The following CSNK1G1 variants were observed in gnomAD, a reference collection of about 807,000 sequenced individuals.
The protein encoded by CSNK1G1 is casein kinase 1 gamma 1.
In CSNK1G1, 22 loss-of-function variants were observed where a neutral mutation model predicts 59.6. The ratio of observed to expected loss-of-function variants is 0.37; its 90% CI spans 0.26 to 0.53. The LOEUF (loss-of-function observed/expected upper bound fraction) is 0.53, where lower values mean the gene tolerates loss of function less well. CSNK1G1 is among the 20% of genes least tolerant of loss of function. CSNK1G1 has a pLI of 0.89. For synonymous variants in CSNK1G1, 179 were observed against 177.1 expected (o/e 1.01, Z -0.08); for missense variants, 384 against 519.5 (o/e 0.74, Z 2.54).
intron 10 of CSNK1G1, among the ~76,000 whole-genome samples, chr15:64,201,711 T>C (rs2082110845): frequency 1.2e-5 from 1 of 81,686 alleles, no homozygotes; most frequent in South Asian, 3.0e-4. Flanking sequence ...TGGACATGTG[T>C]GTGTGTGTGT....
intron 2 of CSNK1G1, among the ~76,000 whole-genome samples, chr15:64,274,716 T>C (rs1225751641): frequency 6.6e-6 from 1 of 152,184 alleles, no homozygotes; most frequent in African/African-American, 2.4e-5. Context: ...CCTGTTTCTG[T>C]AAGTCACCTA....
At chr15:64,234,008 G>A (rs574491911) in intron 4 of CSNK1G1, among the ~76,000 whole-genome samples, 14 of 152,040 alleles carry the variant, frequency 9.2e-5, no homozygotes, top group Non-Finnish European at 1.8e-4. Context: ...TCTCCCTCCC[G>A]CTTCCTCTCT....
intron 1 of CSNK1G1, among the ~76,000 whole-genome samples, chr15:64,302,154 C>T (rs370766717): frequency 2.6e-5 from 4 of 152,218 alleles, no homozygotes; most frequent in Admixed American, 6.5e-5. Flanking sequence ...GGCTGGAGTG[C>T]AATGGCGAGA....
At chr15:64,259,275 A>C in intron 2 of CSNK1G1, 34 bp from the exon 3 acceptor site, 1 of 1,532,114 alleles carries the variant, frequency 6.5e-7, no homozygotes, top group Non-Finnish European at 8.9e-7. Flanking sequence ...TGTTTTAGTG[A>C]CATTTATTCT....
At chr15:64,182,662 A>T (rs1156355798) in intron 10 of CSNK1G1, among the ~76,000 whole-genome samples, 2 of 152,236 alleles carry the variant, frequency 1.3e-5, no homozygotes, top group Non-Finnish European at 2.9e-5. Flanking sequence ...GGGATAAGAT[A>T]TAATGATGTC....
intron 10 of CSNK1G1, among the ~76,000 whole-genome samples, chr15:64,185,384 TC>T (rs2081878717): frequency 6.6e-6 from 1 of 151,630 alleles, no homozygotes; most frequent in Non-Finnish European, 1.5e-5. Flanking sequence ...AAAAACAGTG[TC>T]AGCCCAAAGA....
chr15:64,234,846 A>G lies in CSNK1G1; in HGVS notation c.292+16666T>C, dbSNP rs916626886. Among the ~76,000 whole-genome samples the G allele has an allele frequency of 2.0e-5, 3 of 152,108 alleles. No individual in the cohort carries two copies. The East Asian group carries it at 5.8e-4, about 29-fold the overall frequency. On this transcript the variant is annotated intron_variant, in intron 4 of 11. Coordinates refer to ENST00000303052, the MANE Select transcript of CSNK1G1 (RefSeq NM_022048.5). ...TAAGCTACCTGGACCAGGATTGAAA[A>G]GCTGACCCAAGATGGGTCAGCCAAT... is the stretch of plus-strand genomic sequence containing the variant.
rs566212319 is a variant in CSNK1G1 at position 64,176,145 on chromosome 15, T to C, written c.1215-4160A>G. The C allele has an allele frequency of 2.3e-5, 9 of 398,098 alleles. No individual in the cohort carries two copies. The highest frequency in any genetic ancestry group is 1.8e-4 in the African/African-American group (9 of 48,750). The allele number at this position is 398,098 out of a possible 1,614,324, so 24.7% of individuals were successfully genotyped here. On this transcript the variant is annotated intron_variant, in intron 11 of 11. Coordinates refer to ENST00000303052, the MANE Select transcript of CSNK1G1 (RefSeq NM_022048.5). The surrounding 1 kb of genome is among the most constrained non-coding windows in gnomAD (Gnocchi z 5.2). ...TCTAGATCCCCAGTCAGGGTGGTTA[T>C]GGCACAAGGAGTCCTATGGAAGCTA...
chr15:64,310,553 A>T (rs1421961598), intron 1 of CSNK1G1, among the ~76,000 whole-genome samples: 3 of 558 alleles, frequency 5.4e-3, no homozygotes, highest in African/African-American at 5.6e-3. Context: ...GTGTCTCTAT[A>T]AAAAAAAAAA....
At position 64,269,067 on chromosome 15, in the gene CSNK1G1, C is replaced by CA. The variant is rs141806119; in HGVS notation, c.182-9827dup. 2.9e-4 allele frequency among the ~76,000 whole-genome samples: 43 copies of CA among 148,774 alleles called. No homozygotes were observed. The East Asian group carries it at 3.9e-3, about 14-fold the overall frequency. On this transcript the variant is annotated intron_variant, in intron 2 of 11. Coordinates refer to ENST00000303052, the MANE Select transcript of CSNK1G1 (RefSeq NM_022048.5). The stretch of plus-strand genomic sequence containing the variant: ...GTGCTGCCATCACTCACTGATTCAC[C>CA]AAAAAAAAAGGGTAATTATCTTGTT...
At chr15:64,235,851 C>A (rs906937748) in intron 4 of CSNK1G1, among the ~76,000 whole-genome samples, 1 of 151,908 alleles carries the variant, frequency 6.6e-6, no homozygotes, top group Middle Eastern at 3.2e-3. Flanking sequence ...TTACTATGTA[C>A]AAGATACTAC....
chr15:64,248,607 A>G (rs935452886), intron 4 of CSNK1G1, among the ~76,000 whole-genome samples: 1 of 152,170 alleles, frequency 6.6e-6, no homozygotes, highest in African/African-American at 2.4e-5. Context: ...AAAATAGTCA[A>G]TGCCTAATCA....
chr15:64,281,265 A>G (rs988013090), intron 2 of CSNK1G1, among the ~76,000 whole-genome samples: 1 of 152,222 alleles, frequency 6.6e-6, no homozygotes, highest in African/African-American at 2.4e-5. Context: ...CAACTACTGT[A>G]TGATTCCACT....
chr15:64,270,913 A>C (rs1893265690), intron 2 of CSNK1G1, among the ~76,000 whole-genome samples: 1 of 152,172 alleles, frequency 6.6e-6, no homozygotes, highest in Non-Finnish European at 1.5e-5. Flanking sequence ...ATTTCCATGT[A>C]ACTGCATGGT....
intron 2 of CSNK1G1, among the ~76,000 whole-genome samples, chr15:64,289,354 A>G (rs1894609887): frequency 6.6e-6 from 1 of 152,174 alleles, no homozygotes; most frequent in Admixed American, 6.6e-5. Flanking sequence ...TAATGTGGTT[A>G]GAACTCTTCA....
intron 2 of CSNK1G1, among the ~76,000 whole-genome samples, chr15:64,281,666 C>G (rs1894142122): frequency 6.6e-6 from 1 of 151,928 alleles, no homozygotes; most frequent in African/African-American, 2.4e-5. Context: ...GGCAAAACCC[C>G]ATCTCTATTT....
chr15:64,278,275 G>T (rs958124705), intron 2 of CSNK1G1, among the ~76,000 whole-genome samples: 1 of 151,378 alleles, frequency 6.6e-6, no homozygotes, highest in African/African-American at 2.4e-5. Context: ...TCAAACTACT[G>T]ACCTCAGGTA....
In CSNK1G1 at chr15:64,167,004, C is replaced by T. The variant is rs2081610295; in HGVS notation, c.*4927G>A. On this transcript the variant is annotated 3_prime_UTR_variant, in exon 12 of 12. Coordinates refer to ENST00000303052, the MANE Select transcript of CSNK1G1 (RefSeq NM_022048.5). ...ACAAGGAATACGTGTTCACTTTTTC[C>T]CTTGAAAGGTGATTTACAAATACCG... 2 of 152,058 alleles carry T rather than the reference C, an allele frequency of 1.3e-5. No individual in the cohort carries two copies. The highest frequency in any genetic ancestry group is 6.5e-5 in the Admixed American group (1 of 15,278). 9.4% of individuals were successfully genotyped at this position (152,058 alleles called of 1,614,324 possible).
At chr15:64,179,559 T>C (rs2081783862) in intron 11 of CSNK1G1, among the ~76,000 whole-genome samples, 1 of 152,186 alleles carries the variant, frequency 6.6e-6, no homozygotes, top group South Asian at 2.1e-4. Flanking sequence ...ACTCATGGTG[T>C]CTCTATCTCT....
Sources: gnomAD v4.1 joint callset for allele counts (sites outside exome capture counted in the v4.1 genomes callset) on GRCh38, gnomAD v4.1.1 for gene constraint, Gnocchi (gnomAD v3.1) non-coding constraint, MANE v1.5 for transcripts, NCBI Gene and HGNC (gene_info 2026-07-23, HGNC 2026-07-21) for gene names.